PHAF1: variants seen among roughly 807,000 people sequenced by gnomAD.
The protein encoded by PHAF1 is phagosome assembly factor 1.
PHAF1 carries 23 observed loss-of-function variants against 63.1 expected under a neutral mutation model. The ratio of observed to expected loss-of-function variants is 0.36; its 90% CI spans 0.26 to 0.52. PHAF1 has a LOEUF of 0.52. Ranked by LOEUF, PHAF1 falls within the 20% of genes least tolerant of loss-of-function variation. The pLI, the probability that PHAF1 is intolerant of heterozygous loss-of-function variation, is 0.93. For missense variants in PHAF1, 427 were observed against 517.2 expected (o/e 0.83, Z 1.69); for synonymous variants, 167 against 185.0 (o/e 0.90, Z 0.79).
In PHAF1 at chr16:67,110,224, T is replaced by A; in HGVS notation, c.49T>A (p.Trp17Arg). ...CGAACGCTCTCTGGGGAACGAGCAATGGGAATTCACGCTGGGTGAGTTTGG... is the reference window on the plus strand; with the variant it reads ...CGAACGCTCTCTGGGGAACGAGCAAAGGGAATTCACGCTGGGTGAGTTTGG... ...VPERSLGNEQ[W>R]EFTLGMPLAQ... The change falls in exon 1 of 16, where the codon TGG becomes AGG. Residue 17 changes from tryptophan (W) to arginine (R), a missense_variant. Transcript: ENST00000219139. 1 of 1,552,492 alleles carries A rather than the reference T, an allele frequency of 6.4e-7. No homozygotes were observed. The highest frequency in any genetic ancestry group is 8.7e-7 in the Non-Finnish European group (1 of 1,147,496).
intron 3 of PHAF1, among the ~76,000 whole-genome samples, chr16:67,128,136 G>A (rs893126309): frequency 1.3e-5 from 2 of 152,144 alleles, no homozygotes; most frequent in African/African-American, 4.8e-5. Flanking sequence ...CAAGAAAACC[G>A]AGGGACAGAG....
chr16:67,129,656 G>A (rs760137902), intron 3 of PHAF1, among the ~76,000 whole-genome samples: 40 of 152,344 alleles, frequency 2.6e-4, no homozygotes, highest in Middle Eastern at 3.4e-3. Context: ...TCCACAATGA[G>A]AGCAAAACCT....
At position 67,118,766 on chromosome 16, in the gene PHAF1, CTTTTTTTTTTTTT is replaced by C. The variant is rs910658530; in HGVS notation, c.65-1332_65-1320del. Among the ~76,000 whole-genome samples, 12 of 100,016 alleles carry C rather than the reference CTTTTTTTTTTTTT, an allele frequency of 1.2e-4. No individual in the cohort carries two copies. In the South Asian group the frequency reaches 3.1e-3, roughly 26 times the overall value. The allele number at this position is 100,016 out of a possible 152,430, so 65.6% of individuals were successfully genotyped here. On this transcript the variant is annotated intron_variant, in intron 1 of 15. Transcript: ENST00000219139. ...ATTCTGGTGGATGAGTGATCTTAAA[CTTTTTTTTTTTTT>C]TTTTTTTTTTTTTGAGATAGGGTCT...
intron 2 of PHAF1, among the ~76,000 whole-genome samples, chr16:67,121,831 C>T (rs529635098): frequency 7.1e-4 from 108 of 152,256 alleles, no homozygotes; most frequent in South Asian, 1.7e-3. Flanking sequence ...CCACCGGCCT[C>T]GGCCTCCCAA....
intron 12 of PHAF1, 135 bp downstream of exon 12, chr16:67,145,012 C>T: frequency 8.8e-7 from 1 of 1,142,128 alleles, no homozygotes; most frequent in Non-Finnish European, 1.3e-6. Flanking sequence ...GGGGTGGGCT[C>T]ATTGTTCTGG....
At chr16:67,112,870 C>G (rs1056727634) in intron 1 of PHAF1, among the ~76,000 whole-genome samples, 20 of 152,144 alleles carry the variant, frequency 1.3e-4, no homozygotes, top group Non-Finnish European at 2.5e-4. Flanking sequence ...GTTAATTTAA[C>G]TTTATCAGAC....
intron 8 of PHAF1, chr16:67,139,589 C>T (rs1261792116): frequency 5.9e-6 from 1 of 169,306 alleles, no homozygotes; most frequent in African/African-American, 2.4e-5. Flanking sequence ...GCTCAAACAA[C>T]CCATCCGCCT....
intron 10 of PHAF1, among the ~76,000 whole-genome samples, chr16:67,142,268 G>A (rs1277730863): frequency 6.6e-6 from 1 of 152,228 alleles, no homozygotes; most frequent in African/African-American, 2.4e-5. Flanking sequence ...GCTGAATCCA[G>A]GGTTTTTATG....
intron 1 of PHAF1, among the ~76,000 whole-genome samples, chr16:67,117,199 ATTTT>A (rs750308105): frequency 1.4e-4 from 16 of 111,952 alleles, no homozygotes; most frequent in African/African-American, 4.4e-4. Flanking sequence ...TGCCCAGCTA[ATTTT>A]TTTTTTTTTT....
At chr16:67,118,675 C>T (rs1962851569) in intron 1 of PHAF1, among the ~76,000 whole-genome samples, 1 of 149,746 alleles carries the variant, frequency 6.7e-6, no homozygotes, top group South Asian at 2.1e-4. Context: ...ATAAAAAGAA[C>T]TAGATATTTG....
At chr16:67,143,671 A>G (rs1352401778) in intron 10 of PHAF1, among the ~76,000 whole-genome samples, 1 of 152,212 alleles carries the variant, frequency 6.6e-6, no homozygotes, top group Non-Finnish European at 1.5e-5. Context: ...ACAGCAGTGA[A>G]GAACACAGAC....
At chr16:67,124,728 C>A (rs888609966) in intron 2 of PHAF1, among the ~76,000 whole-genome samples, 4 of 151,818 alleles carry the variant, frequency 2.6e-5, no homozygotes, top group Non-Finnish European at 5.9e-5. Context: ...ACGGTGAAAC[C>A]CCATCTGTAC....
chr16:67,120,281 G>A (rs944894847), intron 2 of PHAF1, 87 bp downstream of exon 2: 26 of 1,233,228 alleles, frequency 2.1e-5, no homozygotes, highest in Non-Finnish European at 3.0e-5. Context: ...AGGCTGACTG[G>A]CAAGGATAGC....
rs1378759887 is a variant in PHAF1 at position 67,139,629 on chromosome 16, G to A, written c.662-355G>A. 6 of 199,754 alleles carry A rather than the reference G, an allele frequency of 3.0e-5. No homozygotes were observed. The East Asian group carries it at 5.3e-4, about 18-fold the overall frequency. 12.4% of individuals were successfully genotyped at this position (199,754 alleles called of 1,614,324 possible). A position where few individuals can be genotyped will look rare whatever the true frequency, so the allele number is the denominator to read the frequency against. On this transcript the variant is annotated intron_variant, in intron 8 of 15. Coordinates refer to ENST00000219139, the MANE Select transcript of PHAF1 (RefSeq NM_025187.5). ...CTCCCAAAGTGCTGGGATTATAGGC[G>A]TGAGCCACCACGTCTGGCCAGAAAC...
intron 2 of PHAF1, among the ~76,000 whole-genome samples, chr16:67,123,855 T>G (rs1457131932): frequency 1.3e-5 from 2 of 152,186 alleles, no homozygotes; most frequent in Non-Finnish European, 2.9e-5. Context: ...AATCACACCT[T>G]GGAAATGAAA....
chr16:67,125,627 A>C (rs1159546489), intron 2 of PHAF1, among the ~76,000 whole-genome samples: 1 of 152,120 alleles, frequency 6.6e-6, no homozygotes, highest in African/African-American at 2.4e-5. Flanking sequence ...AGTGAACTTC[A>C]TTTTGCAGAT....
intron 1 of PHAF1, 63 bp from the exon 2 acceptor site, chr16:67,120,049 A>C: frequency 7.1e-7 from 1 of 1,403,874 alleles, no homozygotes; most frequent in Admixed American, 1.7e-5. Context: ...GTGCCTAGTG[A>C]AGTGGTAGAT....
chr16:67,116,437 G>A (rs1033444550), intron 1 of PHAF1, among the ~76,000 whole-genome samples: 8 of 152,110 alleles, frequency 5.3e-5, no homozygotes, highest in Admixed American at 5.2e-4. Flanking sequence ...TGACCTGGAG[G>A]CCAACTGATT....
intron 4 of PHAF1, chr16:67,132,205 A>G (rs957951802): frequency 7.3e-6 from 3 of 413,030 alleles, no homozygotes; most frequent in African/African-American, 6.2e-5. Flanking sequence ...CCTTTTCTTA[A>G]GAGTCACTGG....
Sources: gnomAD v4.1 joint callset for allele counts (sites outside exome capture counted in the v4.1 genomes callset) on GRCh38, gnomAD v4.1.1 for gene constraint, MANE v1.5 for transcripts, NCBI Gene and HGNC (gene_info 2026-07-23, HGNC 2026-07-21) for gene names.